The following FHOD3 variants were observed in gnomAD, a reference collection of about 807,000 sequenced individuals.
The protein encoded by FHOD3 is FH1/FH2 domain-containing protein 3.
FHOD3 carries 90 observed loss-of-function variants against 173.0 expected under a neutral mutation model. The observed-to-expected ratio is 0.52, with a 90% confidence interval of 0.44 to 0.62. The LOEUF is 0.62. FHOD3 is among the 20% of genes least tolerant of loss of function. The probability of loss-of-function intolerance (pLI) is 0.00; values close to 1 mark genes in which losing one functional copy is unlikely to be tolerated. For missense variants in FHOD3, 1,945 were observed against 2,034.7 expected, an observed-to-expected ratio of 0.96 and a Z score of 0.85; for synonymous variants, 828 against 823.0, an observed-to-expected ratio of 1.01 and a Z score of -0.10.
At chr18:36,700,174 C>T (rs1306988307) in intron 17 of FHOD3, among the ~76,000 whole-genome samples, 2 of 152,102 alleles carry the variant, frequency 1.3e-5, no homozygotes, top group Non-Finnish European at 2.9e-5. Context: ...CCTCGCATTC[C>T]ACCTGTGATT....
rs76912496 is a variant in FHOD3 at position 36,746,052 on chromosome 18, A to T, written c.4042-893A>T. 7.0e-3 allele frequency among the ~76,000 whole-genome samples: 1,054 copies of T among 151,636 alleles called. 20 individuals are homozygous for T. The East Asian group carries it at 0.073, about 11-fold the overall frequency. ...TTTGTTAAATGTGGCCCTCTGATGT[A>T]TTTTTTTCATGACTAAAAATCTCTC... On this transcript the variant is annotated intron_variant, in intron 23 of 28. Transcript: ENST00000590592.
Position 36,769,384 on chromosome 18 carries a change from G to C in FHOD3, c.4744G>C (p.Val1582Leu), listed in dbSNP as rs764823335. ...SATQVPSQRV[V>L]PRERKRSRAN... is the part of the protein sequence containing the mutation. ...CACCCAAGTGCCCAGTCAGCGAGTG[G>C]TGCCGAGGGAGAGGAAACGATCCCG... is the stretch of plus-strand genomic sequence containing the variant. The change falls in exon 28 of 29, where the codon GTG (valine) becomes CTG (leucine). Residue 1582 changes from valine to leucine, a missense_variant. By Grantham distance (32) the Val-to-Leu change is conservative (BLOSUM62 1). This residue lies in a region of FHOD3 where 354 missense variants were observed against 359.9 expected (regional missense o/e 0.98). Coordinates refer to ENST00000590592, the MANE Select transcript of FHOD3 (RefSeq NM_001281740.3). 1 of 1,614,050 alleles carries C rather than the reference G, an allele frequency of 6.2e-7. No homozygotes were observed.
intron 2 of FHOD3, among the ~76,000 whole-genome samples, chr18:36,370,129 C>A (rs2047108489): frequency 6.6e-6 from 1 of 152,166 alleles, no homozygotes; most frequent in South Asian, 2.1e-4. Context: ...TTGCCTCTTC[C>A]TTAGCTGGTC....
chr18:36,598,016 A>G (rs1414916917), intron 7 of FHOD3, among the ~76,000 whole-genome samples: 1 of 152,196 alleles, frequency 6.6e-6, no homozygotes, highest in Non-Finnish European at 1.5e-5. Context: ...GGTATTCTGC[A>G]GAGAGCAACA....
intron 23 of FHOD3, among the ~76,000 whole-genome samples, chr18:36,745,465 G>A (rs531511977): frequency 6.6e-6 from 1 of 152,210 alleles, no homozygotes; most frequent in East Asian, 1.9e-4. Context: ...ATGCCTCCCT[G>A]CCTCACACCA....
At chr18:36,451,336 C>T (rs1301046646) in intron 3 of FHOD3, among the ~76,000 whole-genome samples, 4 of 152,176 alleles carry the variant, frequency 2.6e-5, no homozygotes, top group Non-Finnish European at 1.5e-5. Context: ...TTGACCCACT[C>T]CTGTGTTGTG....
chr18:36,463,576 G>A (rs909190340), intron 3 of FHOD3, among the ~76,000 whole-genome samples: 2 of 144,838 alleles, frequency 1.4e-5, no homozygotes, highest in African/African-American at 5.1e-5. Flanking sequence ...TCGGCTTACT[G>A]CAACCTCTGT....
chr18:36,703,090 T>C (rs1405260480), intron 17 of FHOD3, among the ~76,000 whole-genome samples: 1 of 152,158 alleles, frequency 6.6e-6, no homozygotes, highest in East Asian at 1.9e-4. Context: ...GTGGTGATGC[T>C]TCACCCAGAG....
chr18:36,665,386 C>A (rs1176604993), intron 14 of FHOD3, among the ~76,000 whole-genome samples: 1 of 152,172 alleles, frequency 6.6e-6, no homozygotes, highest in East Asian at 1.9e-4. Context: ...AAATCATCTG[C>A]AAATAAAGAG....
intron 4 of FHOD3, among the ~76,000 whole-genome samples, chr18:36,510,732 T>G (rs2055585622): frequency 6.6e-6 from 1 of 152,254 alleles, no homozygotes; most frequent in Admixed American, 6.5e-5. Flanking sequence ...ATTTTTTATT[T>G]CCTTTATACA....
At chr18:36,310,664 G>A (rs1231881913) in intron 1 of FHOD3, among the ~76,000 whole-genome samples, 1 of 144,660 alleles carries the variant, frequency 6.9e-6, no homozygotes, top group African/African-American at 2.6e-5. Context: ...TCCAGCCTGA[G>A]CAACAGGAGT....
intron 2 of FHOD3, among the ~76,000 whole-genome samples, chr18:36,360,656 A>G (rs1401750602): frequency 6.6e-6 from 1 of 152,090 alleles, no homozygotes; most frequent in African/African-American, 2.4e-5. Flanking sequence ...TTATTCTTGG[A>G]CACCTCACTT....
chr18:36,549,454 A>G lies in FHOD3; in HGVS notation c.512-26997A>G, dbSNP rs185023435. 2.8e-3 allele frequency among the ~76,000 whole-genome samples: 415 copies of G among 149,628 alleles called. 1 individual carries two copies. The highest frequency in any genetic ancestry group is 7.1e-3 in the Admixed American group (107 of 15,004). On this transcript the variant is annotated intron_variant, in intron 5 of 28. Transcript: ENST00000590592. ...ATTCTCTTAGTTTCAAAGAGCACAC[A>G]TTCTTAATTTTGAAGAAATTCAGTT... is the stretch of plus-strand genomic sequence containing the variant.
At chr18:36,378,660 T>C (rs1293247871) in intron 3 of FHOD3, among the ~76,000 whole-genome samples, 1 of 146,280 alleles carries the variant, frequency 6.8e-6, no homozygotes, top group Non-Finnish European at 1.5e-5. Flanking sequence ...TTTATTAACA[T>C]ACATGAGAGT....
At position 36,723,355 on chromosome 18, in the gene FHOD3, T is replaced by G. The variant is rs111679861; in HGVS notation, c.3417+4640T>G. On this transcript the variant is annotated intron_variant, in intron 19 of 28. Coordinates refer to ENST00000590592, the MANE Select transcript of FHOD3 (RefSeq NM_001281740.3). ...TTGGGCTTAGTTTTTTGTTTTTGTT[T>G]TTCATTTTAGGGTGTGTGTGTTGGT... 5.2e-3 allele frequency among the ~76,000 whole-genome samples: 792 copies of G among 152,228 alleles called. 9 individuals are homozygous for G. Among genetic ancestry groups the G allele is most frequent in the Middle Eastern group, 0.044 (13 of 294 alleles).
intron 25 of FHOD3, among the ~76,000 whole-genome samples, chr18:36,757,384 G>T (rs2042675892): frequency 6.6e-6 from 1 of 152,132 alleles, no homozygotes; most frequent in African/African-American, 2.4e-5. Context: ...ATTATTAAGG[G>T]CTCATTGTGC....
intron 10 of FHOD3, among the ~76,000 whole-genome samples, chr18:36,644,194 C>G (rs1443978721): frequency 6.6e-6 from 1 of 152,160 alleles, no homozygotes; most frequent in Non-Finnish European, 1.5e-5. Flanking sequence ...CCTTATCAAT[C>G]ACAAGCAAAA....
intron 28 of FHOD3, among the ~76,000 whole-genome samples, chr18:36,770,003 T>A (rs141503009): frequency 6.6e-6 from 1 of 152,234 alleles, no homozygotes; most frequent in African/African-American, 2.4e-5. Flanking sequence ...TCAAAGTGAC[T>A]GATTTTCCTT....
At chr18:36,650,494 T>A (rs1460701471) in intron 11 of FHOD3, among the ~76,000 whole-genome samples, 2 of 152,186 alleles carry the variant, frequency 1.3e-5, no homozygotes, top group Non-Finnish European at 2.9e-5. Flanking sequence ...AATGAGCTGA[T>A]GATAGAGAAT....
Sources: allele counts gnomAD v4.1 joint callset (sites outside exome capture counted in the v4.1 genomes callset), GRCh38; gene constraint gnomAD v4.1.1; regional missense constraint gnomAD v4.1.1; transcripts MANE v1.5; gene names NCBI Gene and HGNC (gene_info 2026-07-23, HGNC 2026-07-21).